The following CDK2AP1 variants were observed in gnomAD, a reference collection of about 807,000 sequenced individuals.
CDK2AP1 encodes cyclin-dependent kinase 2-associated protein 1.
A neutral mutation model predicts 14.1 loss-of-function variants in CDK2AP1; 10 were observed. That is an observed-to-expected ratio of 0.71 (90% confidence interval 0.44 to 1.20). The LOEUF (loss-of-function observed/expected upper bound fraction) is 1.20. CDK2AP1 is among the 50% of genes most tolerant of loss of function. The probability of loss-of-function intolerance (pLI) is 0.00; values close to 1 mark genes in which losing one functional copy is unlikely to be tolerated. For synonymous variants in CDK2AP1, 59 were observed against 59.8 expected (o/e 0.99, Z 0.06); for missense variants, 102 against 149.9 (o/e 0.68, Z 1.67).
At chr12:123,267,131 G>T in intron 2 of CDK2AP1, 54 bp downstream of exon 2, 1 of 1,021,064 alleles carries the variant, frequency 9.8e-7, no homozygotes, top group Non-Finnish European at 1.6e-6. Flanking sequence ...TCTGATGGTG[G>T]GAAGCATGTC....
chr12:123,264,599 C>T (rs2048269917), intron 3 of CDK2AP1, among the ~76,000 whole-genome samples: 1 of 151,508 alleles, frequency 6.6e-6, no homozygotes, highest in African/African-American at 2.4e-5. Flanking sequence ...CCTTTTATTT[C>T]AGAAGGTAGC....
intron 1 of CDK2AP1, chr12:123,268,046 C>A (rs967911828): frequency 3.1e-5 from 11 of 356,630 alleles, no homozygotes; most frequent in African/African-American, 2.4e-4. Context: ...AACGCAGCCT[C>A]CTGGATCTGG....
chr12:123,263,567 C>T (rs942535257), intron 3 of CDK2AP1, among the ~76,000 whole-genome samples: 5 of 152,176 alleles, frequency 3.3e-5, no homozygotes, highest in Non-Finnish European at 4.4e-5. Context: ...TGGGACCACC[C>T]AACTCTCCAG....
At chr12:123,269,816 C>G (rs1400629779) in intron 1 of CDK2AP1, among the ~76,000 whole-genome samples, 1 of 151,740 alleles carries the variant, frequency 6.6e-6, no homozygotes, top group South Asian at 2.1e-4. Flanking sequence ...GGAGGAGCAG[C>G]GGCGGCAGCG....
At chr12:123,268,181 G>T in intron 1 of CDK2AP1, 1 of 985,342 alleles carries the variant, frequency 1.0e-6, no homozygotes, top group South Asian at 4.7e-5. Flanking sequence ...AGTCCTCCTC[G>T]GCAGCTGCCC....
chr12:123,270,659 C>T (rs1259999706), intron 1 of CDK2AP1, among the ~76,000 whole-genome samples: 1 of 152,180 alleles, frequency 6.6e-6, no homozygotes, highest in East Asian at 1.9e-4. Context: ...CTGGGCTCAG[C>T]CCGAAGCTGC....
chr12:123,271,890 G>A (rs1359870687), upstream of CDK2AP1: 2 of 146,418 alleles, frequency 1.4e-5, no homozygotes, highest in African/African-American at 4.9e-5. Context: ...GGGCCGGGAG[G>A]GGGCGGCCCG....
At position 123,271,590 on chromosome 12, in the gene CDK2AP1, T is replaced by G; in HGVS notation, c.29A>C (p.His10Pro). Residue 10 changes from histidine (H) to proline (P), a missense_variant, in exon 1 of 4, where the codon CAC (histidine) becomes CCC (proline). Coordinates refer to ENST00000261692, the MANE Select transcript of CDK2AP1 (RefSeq NM_004642.4). ...GGCGTTGAGGGCGGCGGCGGGCATG[T>G]GCGCGGCCAAGTTCGGTTTGTAAGA... MSYKPNLAA[H>P]MPAAALNAAG... is the part of the protein sequence containing the mutation. 1 of 1,008,694 alleles carries G rather than the reference T, an allele frequency of 9.9e-7. No individual in the cohort carries two copies. The highest frequency in any genetic ancestry group is 1.2e-6 in the Non-Finnish European group (1 of 845,962). The allele number at this position is 1,008,694 out of a possible 1,614,324, so 62.5% of individuals were successfully genotyped here.
At chr12:123,270,754 T>G in intron 1 of CDK2AP1, 1 of 852,250 alleles carries the variant, frequency 1.2e-6, no homozygotes, top group Non-Finnish European at 1.4e-6. Context: ...TCCCGGCTTC[T>G]GCATCGAGGG....
intron 3 of CDK2AP1, among the ~76,000 whole-genome samples, chr12:123,262,709 G>A (rs1419462830): frequency 6.6e-6 from 1 of 152,100 alleles, no homozygotes; most frequent in Non-Finnish European, 1.5e-5. Flanking sequence ...CGGAGAAGCT[G>A]GGACTATAGG....
intron 1 of CDK2AP1, among the ~76,000 whole-genome samples, chr12:123,269,960 G>C (rs1458964922): frequency 1.3e-5 from 2 of 152,190 alleles, no homozygotes; most frequent in Non-Finnish European, 2.9e-5. Context: ...ACAGGACAAA[G>C]AAGAAAAGCT....
At chr12:123,270,825 ACGCCCGCG>A (rs1481190044) in intron 1 of CDK2AP1, 1 of 984,250 alleles carries the variant, frequency 1.0e-6, no homozygotes, top group African/African-American at 1.8e-5. Flanking sequence ...CACTGCCCCC[ACGCCCGCG>A]CGCGGGCCCC....
At chr12:123,268,370 GGGA>G in intron 1 of CDK2AP1, 1 of 293,974 alleles carries the variant, frequency 3.4e-6, no homozygotes, top group Non-Finnish European at 5.1e-6. Flanking sequence ...TGGGGGAGCC[GGGA>G]GGAGCACTGG....
chr12:123,270,363 G>A (rs927070817), intron 1 of CDK2AP1: 3 of 168,358 alleles, frequency 1.8e-5, no homozygotes, highest in Non-Finnish European at 3.6e-5. Flanking sequence ...ATTTTTTTTA[G>A]GTATCGTTTT....
chr12:123,265,244 T>G lies in CDK2AP1; in HGVS notation c.232A>C (p.Arg78=), dbSNP rs1447919595. The part of the protein sequence containing the change: ...AIIEELGKEI[R]PTYAGSKSAM... The stretch of plus-strand genomic sequence containing the variant: ...CTCTTGCTCCCTGCGTACGTGGGTC[T>G]GATCTCCTTCCCCAGCTCTTCAATG... Residue 78 remains arginine, a synonymous_variant, in exon 3 of 4, where the codon AGA becomes CGA. Coordinates refer to ENST00000261692, the MANE Select transcript of CDK2AP1 (RefSeq NM_004642.4). The surrounding 1 kb of genome is among the most constrained non-coding windows in gnomAD (Gnocchi z 5.3). The G allele has an allele frequency of 6.2e-7, 1 of 1,614,230 alleles. No individual in the cohort carries two copies. The highest frequency in any genetic ancestry group is 1.7e-5 in the Admixed American group (1 of 60,024).
intron 1 of CDK2AP1, among the ~76,000 whole-genome samples, chr12:123,268,711 G>C (rs1397634600): frequency 6.6e-6 from 1 of 152,324 alleles, no homozygotes; most frequent in East Asian, 1.9e-4. Context: ...GATGAGACAC[G>C]TGCGCTATAG....
chr12:123,270,991 G>A, intron 1 of CDK2AP1: 1 of 983,016 alleles, frequency 1.0e-6, no homozygotes, highest in African/African-American at 1.8e-5. Flanking sequence ...ACCCCATCCT[G>A]GTCCCAGTCC....
intron 1 of CDK2AP1, among the ~76,000 whole-genome samples, 198 bp downstream of exon 1, chr12:123,271,366 C>A (rs1354525527): frequency 6.8e-6 from 1 of 147,464 alleles, no homozygotes; most frequent in African/African-American, 2.4e-5. Context: ...AGCCGAGGCC[C>A]TCGGCGTGCG....
intron 1 of CDK2AP1, among the ~76,000 whole-genome samples, chr12:123,268,747 C>T (rs73231941): frequency 0.019 from 2,899 of 152,268 alleles, 39 homozygotes; most frequent in Non-Finnish European, 0.03. Context: ...GAGGGGGACG[C>T]ACAACGCCCA....
Sources: gnomAD v4.1 joint callset for allele counts (sites outside exome capture counted in the v4.1 genomes callset) on GRCh38, gnomAD v4.1.1 for gene constraint, Gnocchi (gnomAD v3.1) non-coding constraint, MANE v1.5 for transcripts, NCBI Gene and HGNC (gene_info 2026-07-23, HGNC 2026-07-21) for gene names.